Variants in PDGFD observed in about 807,000 individuals in gnomAD.
The protein encoded by PDGFD is platelet-derived growth factor D.
PDGFD carries 30 observed loss-of-function variants against 44.7 expected under a neutral mutation model. The ratio of observed to expected loss-of-function variants is 0.67; its 90% CI spans 0.50 to 0.91. The LOEUF (loss-of-function observed/expected upper bound fraction) is 0.91. PDGFD is among the 40% of genes least tolerant of loss of function. PDGFD has a pLI of 0.00. For missense variants in PDGFD, 445 were observed against 457.8 expected (o/e 0.97, Z 0.25); for synonymous variants, 173 against 168.4 (o/e 1.03, Z -0.21).
chr11:103,992,580 C>T (rs1013857557), intron 3 of PDGFD, among the ~76,000 whole-genome samples: 3 of 152,130 alleles, frequency 2.0e-5, no homozygotes, highest in African/African-American at 7.2e-5. Flanking sequence ...CTAAGGTATG[C>T]TTTATGGTAA....
intron 1 of PDGFD, among the ~76,000 whole-genome samples, chr11:104,156,086 G>C (rs548832811): frequency 1.5e-4 from 23 of 152,230 alleles, no homozygotes; most frequent in African/African-American, 5.3e-4. Flanking sequence ...AGTATGTGAG[G>C]TAATGCATGT....
intron 3 of PDGFD, among the ~76,000 whole-genome samples, chr11:103,961,840 C>G (rs1015503150): frequency 6.6e-6 from 1 of 152,158 alleles, no homozygotes; most frequent in South Asian, 2.1e-4. Context: ...TAAGTGTCAG[C>G]GTCACTTGCC....
intron 3 of PDGFD, among the ~76,000 whole-genome samples, chr11:103,973,599 T>A (rs2134346034): frequency 6.6e-6 from 1 of 152,238 alleles, no homozygotes; most frequent in Admixed American, 6.5e-5. Context: ...TGCAATTCAT[T>A]CTTTATTGAG....
intron 1 of PDGFD, among the ~76,000 whole-genome samples, chr11:104,107,670 A>G (rs1390439030): frequency 2.6e-5 from 4 of 152,212 alleles, no homozygotes; most frequent in Non-Finnish European, 5.9e-5. Context: ...TTTCACCAAT[A>G]ACAAAATTCA....
At chr11:104,106,792 G>A (rs1591166772) in intron 1 of PDGFD, among the ~76,000 whole-genome samples, 1 of 150,984 alleles carries the variant, frequency 6.6e-6, no homozygotes, top group African/African-American at 2.4e-5. Flanking sequence ...TGCCCAGGTT[G>A]GAGTGCCGTG....
intron 3 of PDGFD, among the ~76,000 whole-genome samples, chr11:103,960,937 T>C (rs1258785606): frequency 6.6e-6 from 1 of 152,128 alleles, no homozygotes; most frequent in East Asian, 1.9e-4. Flanking sequence ...TCATGTCTTA[T>C]TTACCTCCCA....
intron 5 of PDGFD, among the ~76,000 whole-genome samples, chr11:103,931,811 T>G (rs1017752574): frequency 1.1e-4 from 17 of 152,104 alleles, no homozygotes; most frequent in African/African-American, 3.9e-4. Context: ...ATCATTTTAT[T>G]GTTGTTACAA....
chr11:104,143,931 T>C (rs1301275930), intron 1 of PDGFD, among the ~76,000 whole-genome samples: 2 of 152,360 alleles, frequency 1.3e-5, no homozygotes, highest in African/African-American at 4.8e-5. Flanking sequence ...GTTATTTGCA[T>C]ACATATTGCT....
chr11:104,110,068 A>C (rs1861530731), intron 1 of PDGFD, among the ~76,000 whole-genome samples: 1 of 152,224 alleles, frequency 6.6e-6, no homozygotes, highest in African/African-American at 2.4e-5. Flanking sequence ...AATTAAAAAT[A>C]AAGCATTATG....
chr11:104,146,164 C>T (rs1862159575), intron 1 of PDGFD, among the ~76,000 whole-genome samples: 2 of 152,188 alleles, frequency 1.3e-5, no homozygotes, highest in South Asian at 2.1e-4. Flanking sequence ...TAACTATTTA[C>T]AGACACAACT....
At chr11:103,955,740 A>T (rs1355880263) in intron 3 of PDGFD, among the ~76,000 whole-genome samples, 1 of 152,206 alleles carries the variant, frequency 6.6e-6, no homozygotes, top group Non-Finnish European at 1.5e-5. Flanking sequence ...TGTTTCTTAG[A>T]GTTACAAGAA....
In PDGFD at chr11:104,039,033, T is replaced by C. The variant is rs181601181; in HGVS notation, c.125-38778A>G. Reference sequence around the variant, plus strand: ...TCCATTCTGACAATGTTAGTGTTTATTACAACTGACAGTGGGTAATGGAAG... The same window carrying C: ...TCCATTCTGACAATGTTAGTGTTTACTACAACTGACAGTGGGTAATGGAAG... On this transcript the variant is annotated intron_variant, in intron 1 of 6. Transcript: ENST00000393158. 6.0e-5 allele frequency: 10 copies of C among 167,198 alleles called. No homozygotes were observed. The East Asian group carries it at 1.9e-3, about 32-fold the overall frequency. 10.4% of individuals were successfully genotyped at this position (167,198 alleles called of 1,614,324 possible). A position where few individuals can be genotyped will look rare whatever the true frequency, so the allele number is the denominator to read the frequency against.
intron 1 of PDGFD, among the ~76,000 whole-genome samples, chr11:104,017,789 T>C (rs1264977683): frequency 6.6e-6 from 1 of 152,218 alleles, no homozygotes; most frequent in Non-Finnish European, 1.5e-5. Flanking sequence ...AAGCCTTGTA[T>C]ATGTATACAC....
chr11:104,035,561 C>CTTTTTTTTTTTTT (rs3050598), intron 1 of PDGFD, among the ~76,000 whole-genome samples: 4 of 115,282 alleles, frequency 3.5e-5, no homozygotes, highest in African/African-American at 1.0e-4. Context: ...ACTTCTTTTT[C>CTTTTTTTTTTTTT]TTTTTTTTTT....
At chr11:104,077,827 A>C (rs1860986643) in intron 1 of PDGFD, among the ~76,000 whole-genome samples, 1 of 152,164 alleles carries the variant, frequency 6.6e-6, no homozygotes, top group Non-Finnish European at 1.5e-5. Flanking sequence ...CAATTAATTC[A>C]AACTTCAGAT....
intron 3 of PDGFD, among the ~76,000 whole-genome samples, chr11:103,960,864 AGAG>A (rs1858924769): frequency 6.6e-6 from 1 of 151,926 alleles, no homozygotes; most frequent in African/African-American, 2.4e-5. Context: ...AGAGAGAGAG[AGAG>A]ATCTTTTCTC....
Position 104,112,589 on chromosome 11 carries a change from C to T in PDGFD, c.124+51215G>A, listed in dbSNP as rs534743177. ...ATGCATGCAAATGTTCACTGTAGCA[C>T]TATTCACAATGGTAAAGACATGGAA... On this transcript the variant is annotated intron_variant, in intron 1 of 6. Transcript: ENST00000393158. 5.9e-5 allele frequency among the ~76,000 whole-genome samples: 9 copies of T among 152,134 alleles called. 1 individual carries two copies. The South Asian group carries it at 1.9e-3, about 32-fold the overall frequency.
At position 103,947,672 on chromosome 11, in the gene PDGFD, C is replaced by G; in HGVS notation, c.563G>C (p.Ser188Thr). ...TAATAAATTACTTACTGAAATAGAGCTTGTGACAGATTCCCAGTTGGTCTC... is the reference window on the plus strand; with the variant it reads ...TAATAAATTACTTACTGAAATAGAGGTTGTGACAGATTCCCAGTTGGTCTC... The part of the protein sequence containing the change: ...ASETNWESVT[S>T]SISGVSYNSP... Residue 188 changes from serine to threonine, a missense_variant, in exon 4 of 7, where the codon AGC (serine) becomes ACC (threonine). Physicochemically the swap from Ser to Thr is moderately conservative, Grantham distance 58. Coordinates refer to ENST00000393158, the MANE Select transcript of PDGFD (RefSeq NM_025208.5). 6.2e-7 allele frequency: 1 copy of G among 1,613,222 alleles called. No individual in the cohort carries two copies. The highest frequency in any genetic ancestry group is 8.5e-7 in the Non-Finnish European group (1 of 1,179,320).
rs1164348087 is a variant in PDGFD, at chr11:103,986,182, T to C, written c.510+9883A>G. 2.0e-5 allele frequency among the ~76,000 whole-genome samples: 3 copies of C among 152,156 alleles called. No homozygotes were observed. In the East Asian group the frequency reaches 5.8e-4, roughly 29 times the overall value. ...TTTTCAAGGCTGGATGAGTCCTGTC[T>C]CTTTGATTGATTTCTAATTCCTTCA... On this transcript the variant is annotated intron_variant, in intron 3 of 6. Coordinates refer to ENST00000393158, the MANE Select transcript of PDGFD (RefSeq NM_025208.5).
Sources: allele counts gnomAD v4.1 joint callset (sites outside exome capture counted in the v4.1 genomes callset), GRCh38; gene constraint gnomAD v4.1.1; transcripts MANE v1.5; gene names NCBI Gene and HGNC (gene_info 2026-07-23, HGNC 2026-07-21).